NCAPG2: variants seen among roughly 807,000 people sequenced by gnomAD.
The protein encoded by NCAPG2 is non-SMC condensin II complex subunit G2, also known as condensin-2 complex subunit G2.
NCAPG2 carries 53 observed loss-of-function variants against 141.1 expected under a neutral mutation model. The observed-to-expected ratio is 0.38, with a 90% confidence interval of 0.30 to 0.47. The LOEUF is 0.47. NCAPG2 is among the 20% of genes least tolerant of loss of function. The probability of loss-of-function intolerance (pLI) is 0.99; values close to 1 mark genes in which losing one functional copy is unlikely to be tolerated. For synonymous variants in NCAPG2, 499 were observed against 490.7 expected (o/e 1.02, Z -0.22); for missense variants, 1,087 against 1,389.0 (o/e 0.78, Z 3.46).
At chr7:158,641,392 A>G (rs909910071) in intron 27 of NCAPG2, 6 of 477,072 alleles carry the variant, frequency 1.3e-5, no homozygotes, top group African/African-American at 1.2e-4. Context: ...CTATAAAAAA[A>G]CCACTTTAAA....
chr7:158,649,198 G>C (rs975140505), intron 24 of NCAPG2, among the ~76,000 whole-genome samples: 4 of 151,804 alleles, frequency 2.6e-5, no homozygotes, highest in Non-Finnish European at 5.9e-5. Flanking sequence ...CCAAATACAA[G>C]AAAATACATG....
chr7:158,671,496 A>C lies in NCAPG2; in HGVS notation c.1479+18T>G. Reference sequence around the variant, plus strand: ...TCCCTATTTCATGTCATAAGTAAAAAAGCCCTATTCATCCTACCTTAGCAG... The same window carrying C: ...TCCCTATTTCATGTCATAAGTAAAACAGCCCTATTCATCCTACCTTAGCAG... On this transcript the variant is annotated intron_variant, in intron 13 of 27. Transcript: ENST00000356309. The C allele has an allele frequency of 4.3e-6, 7 of 1,613,880 alleles. No individual in the cohort carries two copies. The highest frequency in any genetic ancestry group is 5.9e-6 in the Non-Finnish European group (7 of 1,179,894).
chr7:158,669,594 C>A (rs1385573371), intron 13 of NCAPG2, among the ~76,000 whole-genome samples: 1 of 151,486 alleles, frequency 6.6e-6, no homozygotes, highest in Non-Finnish European at 1.5e-5. Flanking sequence ...GAAACCCCAT[C>A]TCTACTAAAA....
At chr7:158,653,720 G>T (rs1419704057) in intron 22 of NCAPG2, among the ~76,000 whole-genome samples, 1 of 152,178 alleles carries the variant, frequency 6.6e-6, no homozygotes, top group Admixed American at 6.5e-5. Flanking sequence ...ACTTAATGTT[G>T]AATTTACTAA....
At chr7:158,661,697 G>C (rs1832519046) in intron 16 of NCAPG2, among the ~76,000 whole-genome samples, 2 of 152,084 alleles carry the variant, frequency 1.3e-5, no homozygotes, top group South Asian at 4.1e-4. Context: ...ACACAATAAA[G>C]TATATACAAC....
intron 6 of NCAPG2, among the ~76,000 whole-genome samples, chr7:158,688,263 G>A (rs1203143991): frequency 1.3e-5 from 2 of 152,042 alleles, no homozygotes; most frequent in Non-Finnish European, 2.9e-5. Flanking sequence ...ACTGGAAACT[G>A]ACCTGACCAA....
chr7:158,695,586 T>C (rs1280239916), intron 2 of NCAPG2, among the ~76,000 whole-genome samples: 1 of 152,214 alleles, frequency 6.6e-6, no homozygotes, highest in Non-Finnish European at 1.5e-5. Flanking sequence ...GGCTGTTGCC[T>C]AGGGCACTGA....
intron 27 of NCAPG2, 128 bp from the exon 28 acceptor site, chr7:158,631,845 T>A (rs1267040133): frequency 1.4e-6 from 1 of 734,308 alleles, no homozygotes; most frequent in Non-Finnish European, 2.3e-6. Context: ...TGAAATAATC[T>A]ATAGATGTTT....
In NCAPG2 at chr7:158,636,120, G is replaced by A. The variant is rs533599010; in HGVS notation, c.3381-4403C>T. 5.3e-5 allele frequency among the ~76,000 whole-genome samples: 8 copies of A among 152,206 alleles called. No homozygotes were observed. In the South Asian group the frequency reaches 1.7e-3, roughly 32 times the overall value. The stretch of plus-strand genomic sequence containing the variant: ...TTTTTTTCATCTGTGTATCATCTTA[G>A]TAGAGGGGATGGCATGCAGGTGAAT... On this transcript the variant is annotated intron_variant, in intron 27 of 27. Coordinates refer to ENST00000356309, the MANE Select transcript of NCAPG2 (RefSeq NM_017760.7).
Position 158,633,871 on chromosome 7 carries a change from C to T in NCAPG2, c.3381-2154G>A, listed in dbSNP as rs1336259633. On this transcript the variant is annotated intron_variant, in intron 27 of 27. Transcript: ENST00000356309. The surrounding 1 kb of genome is among the most constrained non-coding windows in gnomAD (Gnocchi z 4.1). ...GCTCAAGCAATCCTCCCAGCTCACC[C>T]TCCCAAGTAGCTGGGACTATGGTGC... Among the ~76,000 whole-genome samples, 1 of 152,136 alleles carries T rather than the reference C, an allele frequency of 6.6e-6. No homozygotes were observed. Among genetic ancestry groups the T allele is most frequent in the Non-Finnish European group, 1.5e-5 (1 of 68,024 alleles).
chr7:158,676,455 G>A (rs1049014281), intron 11 of NCAPG2, among the ~76,000 whole-genome samples: 2 of 152,120 alleles, frequency 1.3e-5, no homozygotes. Flanking sequence ...CAAACAAAAC[G>A]AGAAAATGAG....
At chr7:158,644,817 C>T (rs1830890411) in intron 26 of NCAPG2, among the ~76,000 whole-genome samples, 1 of 152,162 alleles carries the variant, frequency 6.6e-6, no homozygotes, top group African/African-American at 2.4e-5. Context: ...TATGCCCAAC[C>T]TGGGTCAAAC....
At chr7:158,695,037 A>G (rs1211146030) in intron 2 of NCAPG2, among the ~76,000 whole-genome samples, 1 of 152,224 alleles carries the variant, frequency 6.6e-6, no homozygotes, top group East Asian at 1.9e-4. Flanking sequence ...CGCCTCAATT[A>G]TGCAGAAAAA....
At chr7:158,677,160 T>G (rs1402377591) in intron 11 of NCAPG2, among the ~76,000 whole-genome samples, 1 of 152,046 alleles carries the variant, frequency 6.6e-6, no homozygotes, top group African/African-American at 2.4e-5. Context: ...ACGTGTGTCA[T>G]CTGCCAGGAA....
chr7:158,653,382 A>T lies in NCAPG2; in HGVS notation c.2747-902T>A, dbSNP rs550006275. 3.1e-3 allele frequency among the ~76,000 whole-genome samples: 325 copies of T among 105,770 alleles called. 2 individuals are homozygous for T. Among genetic ancestry groups the T allele is most frequent in the Non-Finnish European group, 5.2e-3 (239 of 46,012 alleles). The allele number at this position is 105,770 out of a possible 152,430, so 69.4% of individuals were successfully genotyped here. On this transcript the variant is annotated intron_variant, in intron 22 of 27. Transcript: ENST00000356309. ...TTGGTCTCAAAAAAAAAAAAATAAA[A>T]AAAAAAATAATAATAATAATTAAAC...
At position 158,655,166 on chromosome 7, in the gene NCAPG2, T is replaced by C; in HGVS notation, c.2598A>G (p.Glu866=). The change falls in exon 21 of 28, where the codon GAA becomes GAG. Residue 866 remains glutamate (E), a synonymous_variant. Coordinates refer to ENST00000356309, the MANE Select transcript of NCAPG2 (RefSeq NM_017760.7). The part of the protein sequence containing the change: ...SKILSFIQDQ[E]EDYLKLHRVI... ...CCCTATGAAGCTTCAGGTAGTCTTCTTCTTGATCTTGAATAAAAGATAAAA... is the reference window on the plus strand; with the variant it reads ...CCCTATGAAGCTTCAGGTAGTCTTCCTCTTGATCTTGAATAAAAGATAAAA... 1 of 1,614,102 alleles carries C rather than the reference T, an allele frequency of 6.2e-7. No homozygotes were observed. Among genetic ancestry groups the C allele is most frequent in the Admixed American group, 1.7e-5 (1 of 60,012 alleles).
rs1275405769 is a variant in NCAPG2, at chr7:158,692,975, A to G, written c.268-19T>C. On this transcript the variant is annotated intron_variant, in intron 3 of 27. Coordinates refer to ENST00000356309, the MANE Select transcript of NCAPG2 (RefSeq NM_017760.7). ...TTTTTCTCTATAAATGAAAAATCAA[A>G]GCATGAGTGAATTAAAATCATCAAC... 1 of 1,407,558 alleles carries G rather than the reference A, an allele frequency of 7.1e-7. No homozygotes were observed. Among genetic ancestry groups the G allele is most frequent in the African/African-American group, 1.4e-5 (1 of 69,052 alleles). 87.2% of individuals were successfully genotyped at this position (1,407,558 alleles called of 1,614,324 possible).
intron 9 of NCAPG2, among the ~76,000 whole-genome samples, chr7:158,682,655 G>T (rs954108798): frequency 6.6e-6 from 1 of 152,064 alleles, no homozygotes; most frequent in African/African-American, 2.4e-5. Context: ...AGCAAACAAG[G>T]CATCCCATGG....
intron 12 of NCAPG2, among the ~76,000 whole-genome samples, chr7:158,672,628 A>G (rs1478381997): frequency 6.6e-6 from 1 of 152,076 alleles, no homozygotes; most frequent in Non-Finnish European, 1.5e-5. Flanking sequence ...GGCGTGAGCC[A>G]TCATGCCTGG....
Sources: gnomAD v4.1 joint callset for allele counts (sites outside exome capture counted in the v4.1 genomes callset) on GRCh38, gnomAD v4.1.1 for gene constraint, Gnocchi (gnomAD v3.1) non-coding constraint, MANE v1.5 for transcripts, NCBI Gene and HGNC (gene_info 2026-07-23, HGNC 2026-07-21) for gene names.